ASIC2: variants seen among roughly 807,000 people sequenced by gnomAD.
ASIC2 encodes the protein acid-sensing ion channel 2.
In ASIC2, 25 loss-of-function variants were observed where a neutral mutation model predicts 57.3. The observed-to-expected ratio is 0.44, with a 90% CI of 0.32 to 0.61. The LOEUF is 0.61. ASIC2 is among the 20% of genes least tolerant of loss of function. The probability of loss-of-function intolerance (pLI) is 0.06; values close to 1 mark genes in which losing one functional copy is unlikely to be tolerated. For missense variants in ASIC2, 641 were observed against 738.1 expected, an observed-to-expected ratio of 0.87 and a Z score of 1.52; for synonymous variants, 319 against 307.5, an observed-to-expected ratio of 1.04 and a Z score of -0.39.
At chr17:34,044,122 A>G (rs62058976) in intron 1 of ASIC2, among the ~76,000 whole-genome samples, 14 of 50,386 alleles carry the variant, frequency 2.8e-4, no homozygotes, top group African/African-American at 1.7e-3. Context: ...ACACACACAC[A>G]CACGCACGCA....
At chr17:33,376,639 C>T (rs1227288292) in intron 1 of ASIC2, among the ~76,000 whole-genome samples, 1 of 152,176 alleles carries the variant, frequency 6.6e-6, no homozygotes, top group African/African-American at 2.4e-5. Flanking sequence ...AAAAGAGAAG[C>T]TAAACTACTG....
intron 1 of ASIC2, among the ~76,000 whole-genome samples, chr17:33,464,522 T>TTC (rs1326955433): frequency 0.056 from 2,177 of 38,538 alleles, 22 homozygotes; most frequent in African/African-American, 0.075. Flanking sequence ...CTTTCTTTCT[T>TTC]TCTTTCTTTC....
chr17:33,358,736 C>G lies in ASIC2; in HGVS notation c.556-246669G>C, dbSNP rs141102004. Among the ~76,000 whole-genome samples the G allele has an allele frequency of 3.0e-3, 464 of 152,278 alleles. 1 individual carries two copies. The highest frequency in any genetic ancestry group is 5.5e-3 in the Admixed American group (84 of 15,292). On this transcript the variant is annotated intron_variant, in intron 1 of 9. Coordinates refer to the ASIC2 transcript ENST00000359872. ...AAAGGTTCATGCTAGGAGACAACTG[C>G]TCCTATTGAAGATCCTTCATTTTAT...
chr17:33,239,261 A>T (rs1432868891), intron 1 of ASIC2, among the ~76,000 whole-genome samples: 1 of 152,094 alleles, frequency 6.6e-6, no homozygotes. Flanking sequence ...ACTGCACTCC[A>T]GCCTGGGCAA....
At chr17:33,896,265 T>C (rs1768388080) in intron 1 of ASIC2, among the ~76,000 whole-genome samples, 1 of 152,258 alleles carries the variant, frequency 6.6e-6, no homozygotes, top group South Asian at 2.1e-4. Flanking sequence ...AGAATGTTCC[T>C]TCCCCAAGGA....
intron 1 of ASIC2, among the ~76,000 whole-genome samples, chr17:33,907,322 T>G (rs1228340560): frequency 6.6e-6 from 1 of 152,216 alleles, no homozygotes; most frequent in Non-Finnish European, 1.5e-5. Context: ...TAAGCTCTGG[T>G]TTTCTTCAAC....
At chr17:33,959,449 A>G (rs866804056) in intron 1 of ASIC2, among the ~76,000 whole-genome samples, 30 of 152,246 alleles carry the variant, frequency 2.0e-4, no homozygotes, top group African/African-American at 6.8e-4. Flanking sequence ...ACAATAGGCT[A>G]TCTGCAAGCT....
chr17:33,536,368 C>A (rs749280805), intron 1 of ASIC2, among the ~76,000 whole-genome samples: 1 of 152,072 alleles, frequency 6.6e-6, no homozygotes, highest in Non-Finnish European at 1.5e-5. Flanking sequence ...TTGTGAGAGC[C>A]GACTGTCAAA....
chr17:33,357,144 C>T (rs926358803), intron 1 of ASIC2, among the ~76,000 whole-genome samples: 12 of 59,412 alleles, frequency 2.0e-4, no homozygotes, highest in South Asian at 1.2e-3. Flanking sequence ...ACGTTGAGAA[C>T]GGGGCCCTCT....
chr17:33,424,800 C>A (rs992001585), intron 1 of ASIC2, among the ~76,000 whole-genome samples: 2 of 152,164 alleles, frequency 1.3e-5, no homozygotes, highest in Admixed American at 6.5e-5. Context: ...CTTCTACCCC[C>A]ACAGCCACCT....
chr17:33,754,172 G>T (rs993423290), intron 1 of ASIC2, among the ~76,000 whole-genome samples: 1 of 152,010 alleles, frequency 6.6e-6, no homozygotes, highest in Admixed American at 6.6e-5. Flanking sequence ...TCTCTCCCTT[G>T]CATGTCCCTC....
intron 1 of ASIC2, among the ~76,000 whole-genome samples, chr17:34,119,541 C>G (rs1286615971): frequency 6.6e-6 from 1 of 152,040 alleles, no homozygotes; most frequent in African/African-American, 2.4e-5. Flanking sequence ...CTCCTCATGC[C>G]TGAATGTGAC....
intron 1 of ASIC2, among the ~76,000 whole-genome samples, chr17:33,157,695 C>G (rs993615765): frequency 6.6e-6 from 1 of 152,190 alleles, no homozygotes; most frequent in African/African-American, 2.4e-5. Context: ...GTCTGAGCAC[C>G]TCCATATCTC....
intron 1 of ASIC2, among the ~76,000 whole-genome samples, chr17:33,859,476 CA>C: frequency 6.6e-6 from 1 of 152,288 alleles, no homozygotes; most frequent in Admixed American, 6.5e-5. Flanking sequence ...AACCCAAGCT[CA>C]ATCAGAGATT....
chr17:33,326,873 T>C (rs556883287), intron 1 of ASIC2, among the ~76,000 whole-genome samples: 42 of 152,310 alleles, frequency 2.8e-4, no homozygotes, highest in African/African-American at 9.6e-4. Flanking sequence ...CACTGCTCAG[T>C]GTAGATCCCA....
At chr17:33,720,562 G>A (rs903324845) in intron 1 of ASIC2, among the ~76,000 whole-genome samples, 1 of 152,158 alleles carries the variant, frequency 6.6e-6, no homozygotes, top group African/African-American at 2.4e-5. Flanking sequence ...CTAGTAACTT[G>A]AGGAATGGGG....
At chr17:33,800,820 C>T (rs1331858749) in intron 1 of ASIC2, among the ~76,000 whole-genome samples, 1 of 152,136 alleles carries the variant, frequency 6.6e-6, no homozygotes, top group East Asian at 1.9e-4. Context: ...CTGCTATCAA[C>T]TTTTCAAGGT....
At chr17:33,074,591 G>A (rs900959386) in intron 3 of ASIC2, among the ~76,000 whole-genome samples, 1 of 152,138 alleles carries the variant, frequency 6.6e-6, no homozygotes, top group Non-Finnish European at 1.5e-5. Context: ...GTTCTCCTGG[G>A]CAGAATAAAA....
chr17:33,877,647 A>G (rs1216295667), intron 1 of ASIC2, among the ~76,000 whole-genome samples: 1 of 152,156 alleles, frequency 6.6e-6, no homozygotes, highest in Non-Finnish European at 1.5e-5. Context: ...CAGCTCAAGG[A>G]GGCCTGCCTG....
Sources: gnomAD v4.1 joint callset for allele counts (sites outside exome capture counted in the v4.1 genomes callset) on GRCh38, gnomAD v4.1.1 for gene constraint, MANE v1.5 for transcripts, NCBI Gene and HGNC (gene_info 2026-07-23, HGNC 2026-07-21) for gene names.